PAK3: variants seen among roughly 807,000 people sequenced by gnomAD.
PAK3 encodes serine/threonine-protein kinase PAK 3.
PAK3 carries 4 observed loss-of-function variants against 41.0 expected under a neutral mutation model. That is an observed-to-expected ratio of 0.10 (90% CI 0.05 to 0.22). PAK3 has a LOEUF of 0.22. Among genes scored for constraint, PAK3 ranks in the 10% least tolerant of loss-of-function variants. The probability of loss-of-function intolerance (pLI) is 1.00; values close to 1 mark genes in which losing one functional copy is unlikely to be tolerated. For synonymous variants in PAK3, 146 were observed against 139.6 expected (o/e 1.05, Z -0.32); for missense variants, 205 against 409.9 (o/e 0.50, Z 4.32).
At chrX:111,159,824 A>G (rs1277993260) in intron 8 of PAK3, among the ~76,000 whole-genome samples, 1 of 112,318 alleles carries the variant, frequency 8.9e-6, no homozygotes, top group Non-Finnish European at 1.9e-5. Flanking sequence ...ACTTCAATCT[A>G]TAAACCACTT....
chrX:111,207,943 T>C lies in PAK3; in HGVS notation c.1408-8478T>C, dbSNP rs764485215. On this transcript the variant is annotated intron_variant, in intron 16 of 17. Transcript: ENST00000372007. Reference sequence around the variant, plus strand: ...CCTAGTAGCTGAGATTGCAGGTGCCTGCCACCACACTCAGCTAATTTTTGT... The same window carrying C: ...CCTAGTAGCTGAGATTGCAGGTGCCCGCCACCACACTCAGCTAATTTTTGT... Among the ~76,000 whole-genome samples the C allele has an allele frequency of 1.3e-3, 149 of 112,029 alleles. 1 individual carries two copies. The highest frequency in any genetic ancestry group is 4.5e-3 in the African/African-American group (138 of 30,822).
rs751410252 is a variant in PAK3, at chrX:111,046,252, A to T, written c.-27-76825A>T. 1.9e-4 allele frequency among the ~76,000 whole-genome samples: 21 copies of T among 111,743 alleles called. No individual in the cohort carries two copies. In the South Asian group the frequency reaches 7.6e-3, roughly 40 times the overall value. ...GGTAGAAAAGGCTCAACCCTAAAGGATGAGAGGCTGAATTTGTGTTGTTGT... is the reference window on the plus strand; with the variant it reads ...GGTAGAAAAGGCTCAACCCTAAAGGTTGAGAGGCTGAATTTGTGTTGTTGT... On this transcript the variant is annotated intron_variant, in intron 1 of 14. Transcript: ENST00000425146.
chrX:111,153,871 T>C (rs746100283), intron 8 of PAK3, among the ~76,000 whole-genome samples: 1 of 111,899 alleles, frequency 8.9e-6, no homozygotes, highest in South Asian at 3.8e-4. Flanking sequence ...ATATTCACAG[T>C]AGGCAAATGG....
At chrX:111,030,482 A>C (rs1356505824) in intron 1 of PAK3, among the ~76,000 whole-genome samples, 1 of 112,308 alleles carries the variant, frequency 8.9e-6, no homozygotes, top group East Asian at 2.8e-4. Flanking sequence ...GACTACATTA[A>C]TTGTGGAGTT....
At chrX:111,037,227 G>A (rs772589419) in intron 1 of PAK3, among the ~76,000 whole-genome samples, 3 of 111,962 alleles carry the variant, frequency 2.7e-5, no homozygotes, top group African/African-American at 9.7e-5. Context: ...TTACAGTCAT[G>A]AGCCACTGCA....
chrX:111,193,522 C>T (rs781062730), intron 13 of PAK3, among the ~76,000 whole-genome samples: 2 of 109,054 alleles, frequency 1.8e-5, no homozygotes, highest in Admixed American at 9.8e-5. Flanking sequence ...GCTAATTTTT[C>T]GTATTTTAGT....
intron 1 of PAK3, among the ~76,000 whole-genome samples, chrX:111,057,864 A>G (rs989007599): frequency 2.7e-5 from 3 of 111,724 alleles, no homozygotes; most frequent in African/African-American, 9.8e-5. Context: ...ACCAGCAACC[A>G]CTAATTTACT....
chrX:111,182,753 T>C (rs1166279541), intron 11 of PAK3, among the ~76,000 whole-genome samples: 2 of 111,125 alleles, frequency 1.8e-5, no homozygotes. Flanking sequence ...AGACAATATC[T>C]AGATAGGAGC....
chrX:111,209,405 T>C (rs2094794271), intron 16 of PAK3, among the ~76,000 whole-genome samples: 2 of 112,461 alleles, frequency 1.8e-5, no homozygotes, highest in Admixed American at 9.4e-5. Context: ...AAGCTAATAG[T>C]ATCATTCAGT....
At position 110,952,224 on chromosome X, in the gene PAK3, G is replaced by A. The variant is rs138155720; in HGVS notation, c.-28+7596G>A. 1.2e-4 allele frequency among the ~76,000 whole-genome samples: 13 copies of A among 111,933 alleles called. 1 individual carries two copies. The East Asian group carries it at 3.7e-3, about 32-fold the overall frequency. On this transcript the variant is annotated intron_variant, in intron 1 of 14. Transcript: ENST00000425146. ...TTTTGGTGTGTGCTTTAGGCCAAAGGTAGGGTCTGTGGATTAGAAGATGGA... is the reference window on the plus strand; with the variant it reads ...TTTTGGTGTGTGCTTTAGGCCAAAGATAGGGTCTGTGGATTAGAAGATGGA...
chrX:111,203,704 A>C (rs759440239), intron 16 of PAK3, among the ~76,000 whole-genome samples: 1 of 112,013 alleles, frequency 8.9e-6, no homozygotes, highest in Non-Finnish European at 1.9e-5. Context: ...GAATAAGAGA[A>C]TCTCTAGTAA....
At chrX:111,146,854 C>T (rs1036879790) in intron 6 of PAK3, among the ~76,000 whole-genome samples, 2 of 111,816 alleles carry the variant, frequency 1.8e-5, no homozygotes, top group African/African-American at 6.5e-5. Flanking sequence ...CTTCTGTAGG[C>T]TGGACATGTA....
chrX:111,041,719 C>T (rs1209822664), intron 1 of PAK3, among the ~76,000 whole-genome samples: 1 of 110,852 alleles, frequency 9.0e-6, no homozygotes, highest in South Asian at 3.9e-4. Context: ...GCTTGGACTT[C>T]CTGATACCAT....
rs181764682 is a variant in PAK3, at chrX:111,170,454, C to G, written c.767-2564C>G. Among the ~76,000 whole-genome samples the G allele has an allele frequency of 3.6e-5, 4 of 110,294 alleles. No homozygotes were observed. In the East Asian group the frequency reaches 1.1e-3, roughly 32 times the overall value. ...GGTATACTATCTACTGCTGTTAGGT[C>G]TAAATTATGTTGTATACTAGCCCAG... On this transcript the variant is annotated intron_variant, in intron 10 of 17. Coordinates refer to ENST00000372007, the MANE Select transcript of PAK3 (RefSeq NM_002578.5).
chrX:111,040,845 T>C (rs909207173), intron 1 of PAK3, among the ~76,000 whole-genome samples: 3 of 112,283 alleles, frequency 2.7e-5, no homozygotes, highest in Non-Finnish European at 5.6e-5. Context: ...GGCGGTTTCC[T>C]GGGTGGGGGT....
chrX:111,216,282 G>T (rs2094878678), intron 16 of PAK3, 139 bp from the exon 17 acceptor site: 2 of 495,611 alleles, frequency 4.0e-6, no homozygotes, highest in Admixed American at 2.9e-5. Context: ...TAGAAACTTT[G>T]AAATATATGT....
intron 1 of PAK3, among the ~76,000 whole-genome samples, chrX:111,017,550 T>C (rs1403587876): frequency 9.0e-6 from 1 of 111,593 alleles, no homozygotes; most frequent in Admixed American, 9.5e-5. Flanking sequence ...TATGAAGAAA[T>C]AGACAATGCC....
At chrX:111,149,314 A>G (rs1448620782) in intron 7 of PAK3, among the ~76,000 whole-genome samples, 1 of 111,607 alleles carries the variant, frequency 9.0e-6, no homozygotes, top group Non-Finnish European at 1.9e-5. Flanking sequence ...TTCCATGTGC[A>G]AAGTGCAAGC....
chrX:111,120,152 T>C (rs377365705), intron 4 of PAK3, among the ~76,000 whole-genome samples: 1 of 112,096 alleles, frequency 8.9e-6, no homozygotes, highest in Non-Finnish European at 1.9e-5. Context: ...CCTTGATTAG[T>C]TGAATGACAT....
Sources: allele counts gnomAD v4.1 joint callset (sites outside exome capture counted in the v4.1 genomes callset), GRCh38; gene constraint gnomAD v4.1.1; transcripts MANE v1.5; gene names NCBI Gene and HGNC (gene_info 2026-07-23, HGNC 2026-07-21).